WWTR1: variants seen among roughly 807,000 people sequenced by gnomAD.
The protein encoded by WWTR1 is WW domain containing transcription regulator 1, also known as WW domain-containing transcription regulator protein 1.
WWTR1 carries 13 observed loss-of-function variants against 40.1 expected under a neutral mutation model. The observed-to-expected ratio is 0.32, with a 90% CI of 0.21 to 0.52. The LOEUF (loss-of-function observed/expected upper bound fraction) is 0.52. WWTR1 is among the 20% of genes least tolerant of loss of function. The pLI, the probability that WWTR1 is intolerant of heterozygous loss-of-function variation, is 0.97. For missense variants in WWTR1, 436 were observed against 523.1 expected (o/e 0.83, Z 1.63); for synonymous variants, 230 against 210.1 (o/e 1.09, Z -0.82).
At chr3:149,695,536 G>A (rs1372275391) in intron 1 of WWTR1, among the ~76,000 whole-genome samples, 5 of 151,886 alleles carry the variant, frequency 3.3e-5, no homozygotes, top group Non-Finnish European at 7.4e-5. Context: ...CAAGGCAGGC[G>A]AATCACTTGA....
intron 4 of WWTR1, among the ~76,000 whole-genome samples, chr3:149,532,559 C>A (rs2107918821): frequency 6.6e-6 from 1 of 152,232 alleles, no homozygotes; most frequent in African/African-American, 2.4e-5. Flanking sequence ...ATATTTAGAA[C>A]TTTAAAAATT....
chr3:149,517,922 T>A lies in WWTR1; in HGVS notation c.*2883A>T, dbSNP rs998194158. ...TTTGGGGTGAAATGATGATGTTTAC[T>A]GATTGATTTAGTACTAAAAAGACTA... is the stretch of plus-strand genomic sequence containing the variant. On this transcript the variant is annotated 3_prime_UTR_variant, in exon 7 of 7. Coordinates refer to ENST00000360632, the MANE Select transcript of WWTR1 (RefSeq NM_015472.6). 2 of 152,178 alleles carry A rather than the reference T, an allele frequency of 1.3e-5. No individual in the cohort carries two copies. The highest frequency in any genetic ancestry group is 4.8e-5 in the African/African-American group (2 of 41,440). 9.4% of individuals were successfully genotyped at this position (152,178 alleles called of 1,614,324 possible).
chr3:149,645,225 G>GCC (rs1439064168), intron 2 of WWTR1, among the ~76,000 whole-genome samples: 1 of 152,026 alleles, frequency 6.6e-6, no homozygotes. Flanking sequence ...GACTACAGGT[G>GCC]CCCGCCACCA....
At chr3:149,645,890 C>A (rs1458473083) in intron 2 of WWTR1, among the ~76,000 whole-genome samples, 1 of 151,986 alleles carries the variant, frequency 6.6e-6, no homozygotes. Flanking sequence ...TACCAGCAGA[C>A]TAGTCACAAA....
chr3:149,532,221 C>G (rs1240841713), intron 4 of WWTR1, among the ~76,000 whole-genome samples: 3 of 152,210 alleles, frequency 2.0e-5, no homozygotes, highest in Admixed American at 1.3e-4. Flanking sequence ...CACTCAAGAT[C>G]ACATAATAAA....
chr3:149,554,152 A>AGCCCT (rs1736725589), intron 3 of WWTR1, among the ~76,000 whole-genome samples: 1 of 152,198 alleles, frequency 6.6e-6, no homozygotes, highest in Non-Finnish European at 1.5e-5. Context: ...CTTCACACTG[A>AGCCCT]GCCCTTTATT....
intron 4 of WWTR1, chr3:149,540,299 C>T (rs2107933508): frequency 2.2e-6 from 1 of 456,634 alleles, no homozygotes; most frequent in Non-Finnish European, 4.4e-6. Flanking sequence ...GTAATATGAA[C>T]CATCAGTACT....
chr3:149,659,014 C>CCT (rs1713434448), upstream of WWTR1, among the ~76,000 whole-genome samples: 1 of 152,122 alleles, frequency 6.6e-6, no homozygotes, highest in African/African-American at 2.4e-5. Flanking sequence ...ATGGAGACCC[C>CCT]CTGCCTCTAG....
chr3:149,654,461 C>G (rs1057473689), intron 2 of WWTR1, among the ~76,000 whole-genome samples: 25 of 152,200 alleles, frequency 1.6e-4, no homozygotes, highest in African/African-American at 5.5e-4. Flanking sequence ...CAGCCTACTA[C>G]TTACACATTT....
chr3:149,559,293 C>CAAAAAAAAAAAAAAAAAAAAAAAA (rs57470539), intron 3 of WWTR1, among the ~76,000 whole-genome samples: 9 of 58,100 alleles, frequency 1.5e-4, no homozygotes, highest in East Asian at 5.1e-4. Context: ...GACTCCATCT[C>CAAAAAAAAAAAAAAAAAAAAAAAA]AAAAAAAAAA....
intron 2 of WWTR1, among the ~76,000 whole-genome samples, chr3:149,588,789 C>A (rs995704563): frequency 3.3e-5 from 5 of 152,148 alleles, no homozygotes; most frequent in African/African-American, 1.2e-4. Flanking sequence ...CACATTTGAA[C>A]CTATACCTGC....
At chr3:149,678,740 T>G (rs1714354113) in intron 1 of WWTR1, among the ~76,000 whole-genome samples, 1 of 152,126 alleles carries the variant, frequency 6.6e-6, no homozygotes, top group African/African-American at 2.4e-5. Flanking sequence ...TTCATGAAAC[T>G]AATAAATCTT....
intron 6 of WWTR1, among the ~76,000 whole-genome samples, chr3:149,522,177 T>A (rs532195153): frequency 1.3e-5 from 2 of 152,332 alleles, no homozygotes; most frequent in East Asian, 1.9e-4. Flanking sequence ...CGTCATTTTT[T>A]AAAAACTTGT....
chr3:149,632,426 C>G (rs879698766), intron 2 of WWTR1, among the ~76,000 whole-genome samples: 14 of 152,062 alleles, frequency 9.2e-5, no homozygotes, highest in Non-Finnish European at 1.6e-4. Context: ...CAAACCAGTA[C>G]GTCTGATTAC....
intron 2 of WWTR1, among the ~76,000 whole-genome samples, chr3:149,623,162 G>A (rs552468873): frequency 1.1e-4 from 16 of 152,268 alleles, no homozygotes; most frequent in African/African-American, 3.8e-4. Context: ...AAGAGTTTGA[G>A]ACCAGCCTGA....
chr3:149,646,685 A>G (rs1381457922), intron 2 of WWTR1, among the ~76,000 whole-genome samples: 1 of 152,192 alleles, frequency 6.6e-6, no homozygotes, highest in Non-Finnish European at 1.5e-5. Flanking sequence ...TGATTGACAG[A>G]TAGAACAGTG....
upstream of WWTR1, among the ~76,000 whole-genome samples, chr3:149,707,767 T>C (rs958965997): frequency 6.6e-6 from 1 of 152,048 alleles, no homozygotes; most frequent in African/African-American, 2.4e-5. Context: ...CAATTGAATA[T>C]GTTTGCATGT....
intron 2 of WWTR1, among the ~76,000 whole-genome samples, chr3:149,653,925 C>T (rs1713050841): frequency 6.6e-6 from 1 of 152,060 alleles, no homozygotes; most frequent in Non-Finnish European, 1.5e-5. Flanking sequence ...TTCTAAAATC[C>T]TTTGATTTCC....
intron 5 of WWTR1, among the ~76,000 whole-genome samples, chr3:149,714,686 G>GA (rs1715559135): frequency 6.6e-6 from 1 of 152,234 alleles, no homozygotes; most frequent in South Asian, 2.1e-4. Context: ...CTCCTGGGCA[G>GA]AATGGGGTGG....
Sources: gnomAD v4.1 joint callset for allele counts (sites outside exome capture counted in the v4.1 genomes callset) on GRCh38, gnomAD v4.1.1 for gene constraint, MANE v1.5 for transcripts, NCBI Gene and HGNC (gene_info 2026-07-23, HGNC 2026-07-21) for gene names.